The following PPP4R4 variants were observed in gnomAD, a reference collection of about 807,000 sequenced individuals.
PPP4R4 encodes protein phosphatase 4 regulatory subunit 4, also known as serine/threonine-protein phosphatase 4 regulatory subunit 4.
In PPP4R4, 70 loss-of-function variants were observed where a neutral mutation model predicts 121.8. That is an observed-to-expected ratio of 0.57 (90% CI 0.47 to 0.70). The LOEUF (loss-of-function observed/expected upper bound fraction) is 0.70, where lower values mean the gene tolerates loss of function less well. PPP4R4 is among the 30% of genes least tolerant of loss of function. The pLI, the probability that PPP4R4 is intolerant of heterozygous loss-of-function variation, is 0.00. For synonymous variants in PPP4R4, 348 were observed against 355.7 expected, an observed-to-expected ratio of 0.98 and a Z score of 0.24; for missense variants, 875 against 1,033.6, an observed-to-expected ratio of 0.85 and a Z score of 2.10.
intron 10 of PPP4R4, 133 bp downstream of exon 10, chr14:94,242,090 G>A: frequency 8.7e-7 from 1 of 1,148,494 alleles, no homozygotes; most frequent in South Asian, 1.5e-5. Flanking sequence ...AGTATGTGCA[G>A]AGTAAATATT....
At chr14:94,227,908 T>C in intron 3 of PPP4R4, 1 of 973,450 alleles carries the variant, frequency 1.0e-6, no homozygotes, top group African/African-American at 1.8e-5. Flanking sequence ...AACCCCAAAT[T>C]GTTAGTGTGG....
At chr14:94,230,202 ATG>A (rs1360135140) in intron 3 of PPP4R4, among the ~76,000 whole-genome samples, 4 of 152,236 alleles carry the variant, frequency 2.6e-5, no homozygotes, top group Non-Finnish European at 5.9e-5. Flanking sequence ...ATGGAAACAC[ATG>A]TGATTGTCTG....
intron 3 of PPP4R4, among the ~76,000 whole-genome samples, chr14:94,213,658 TG>T (rs1567117854): frequency 6.6e-6 from 1 of 152,112 alleles, no homozygotes; most frequent in Non-Finnish European, 1.5e-5. Flanking sequence ...GAATGCAATG[TG>T]AAGATGGAGG....
rs1430605689 is a variant in PPP4R4 at position 94,267,041 on chromosome 14, T to C, written c.2449+12T>C. The C allele has an allele frequency of 2.4e-5, 37 of 1,548,328 alleles. No individual in the cohort carries two copies. Among genetic ancestry groups the C allele is most frequent in the Non-Finnish European group, 3.1e-5 (35 of 1,132,670 alleles). On this transcript the variant is annotated intron_variant, in intron 23 of 24. Coordinates refer to ENST00000304338, the MANE Select transcript of PPP4R4 (RefSeq NM_058237.2). ...GCTTTCACTAGCTGGTAAGTAGCAA[T>C]CTAAGTTCTTCAAAAAGTTGCTAAA...
At chr14:94,267,629 A>G (rs991616553) in intron 23 of PPP4R4, among the ~76,000 whole-genome samples, 1 of 152,208 alleles carries the variant, frequency 6.6e-6, no homozygotes, top group Non-Finnish European at 1.5e-5. Flanking sequence ...TTTATATAAT[A>G]GAGCATAGAA....
At chr14:94,235,972 C>G (rs1445206638) in intron 7 of PPP4R4, among the ~76,000 whole-genome samples, 1 of 152,046 alleles carries the variant, frequency 6.6e-6, no homozygotes, top group Non-Finnish European at 1.5e-5. Context: ...GTCATTGGTA[C>G]CTTTGTTAAT....
intron 23 of PPP4R4, 94 bp downstream of exon 23, chr14:94,267,123 T>G: frequency 1.3e-6 from 1 of 753,936 alleles, no homozygotes; most frequent in Admixed American, 3.1e-5. Context: ...AGATGTAGTG[T>G]TTTCTTAAAT....
chr14:94,208,184 C>G (rs1344367337), intron 2 of PPP4R4, among the ~76,000 whole-genome samples: 1 of 151,902 alleles, frequency 6.6e-6, no homozygotes, highest in Non-Finnish European at 1.5e-5. Context: ...TAATAATAGT[C>G]TCGAAACTTT....
chr14:94,241,769 T>G lies in PPP4R4; in HGVS notation c.977-19T>G, dbSNP rs751655109. The G allele has an allele frequency of 2.0e-6, 3 of 1,522,884 alleles. No homozygotes were observed. Among genetic ancestry groups the G allele is most frequent in the South Asian group, 1.3e-5 (1 of 78,254 alleles). The allele number at this position is 1,522,884 out of a possible 1,614,324, so 94.3% of individuals were successfully genotyped here. ...GTTTTCAATTGAAATGTTGAGCTAGTTTTTTATATTTGTTTTAGGAATTTT... is the reference window on the plus strand; with the variant it reads ...GTTTTCAATTGAAATGTTGAGCTAGGTTTTTATATTTGTTTTAGGAATTTT... On this transcript the variant is annotated intron_variant, in intron 9 of 24. Coordinates refer to ENST00000304338, the MANE Select transcript of PPP4R4 (RefSeq NM_058237.2).
intron 3 of PPP4R4, among the ~76,000 whole-genome samples, chr14:94,226,312 T>A (rs565651918): frequency 6.6e-6 from 1 of 152,182 alleles, no homozygotes; most frequent in Non-Finnish European, 1.5e-5. Context: ...CTTAAGGATA[T>A]TTTTATGTGT....
chr14:94,264,799 C>T (rs1434472006), intron 19 of PPP4R4, 79 bp from the exon 20 acceptor site: 3 of 1,078,894 alleles, frequency 2.8e-6, no homozygotes, highest in Non-Finnish European at 4.1e-6. Context: ...ACTTGAATCT[C>T]TAATGCTTAA....
chr14:94,195,571 T>C (rs555362356), intron 2 of PPP4R4, among the ~76,000 whole-genome samples: 1 of 152,356 alleles, frequency 6.6e-6, no homozygotes, highest in South Asian at 2.1e-4. Context: ...TGTTGAGATA[T>C]TGACATTCTT....
At chr14:94,219,442 A>G (rs534635406) in intron 3 of PPP4R4, among the ~76,000 whole-genome samples, 8 of 152,316 alleles carry the variant, frequency 5.3e-5, no homozygotes, top group South Asian at 2.1e-4. Context: ...AGCACTGGAA[A>G]TGGTAAAAAT....
intron 3 of PPP4R4, among the ~76,000 whole-genome samples, chr14:94,217,925 C>T (rs529325775): frequency 6.6e-6 from 1 of 152,076 alleles, no homozygotes; most frequent in African/African-American, 2.4e-5. Context: ...ACCCGGGAGG[C>T]GGAGGTTGCG....
chr14:94,256,101 T>C (rs1198075376), intron 16 of PPP4R4, among the ~76,000 whole-genome samples: 3 of 152,202 alleles, frequency 2.0e-5, no homozygotes, highest in Admixed American at 6.5e-5. Context: ...CAACCCTCTT[T>C]GGCCACCTGC....
At chr14:94,178,513 G>A (rs1329431568) in intron 2 of PPP4R4, among the ~76,000 whole-genome samples, 1 of 151,686 alleles carries the variant, frequency 6.6e-6, no homozygotes, top group Non-Finnish European at 1.5e-5. Flanking sequence ...GGTTCTGATA[G>A]CATTTAGATT....
At chr14:94,189,046 A>C (rs898710375) in intron 2 of PPP4R4, among the ~76,000 whole-genome samples, 1 of 152,182 alleles carries the variant, frequency 6.6e-6, no homozygotes, top group African/African-American at 2.4e-5. Context: ...AAGAGAAATC[A>C]GGGAGAAAAT....
Position 94,231,334 on chromosome 14 carries a change from CA to C in PPP4R4, c.516+22del. ...GCATGAGGTAATACTTTCATGGGGG[CA>C]AATACTAATAAGTAAGTCACTCTAA... On this transcript the variant is annotated intron_variant, in intron 5 of 24. Coordinates refer to ENST00000304338, the MANE Select transcript of PPP4R4 (RefSeq NM_058237.2). 1 of 1,567,534 alleles carries C rather than the reference CA, an allele frequency of 6.4e-7. No individual in the cohort carries two copies. The highest frequency in any genetic ancestry group is 2.2e-5 in the East Asian group (1 of 44,550).
At chr14:94,271,831 G>A (rs1311106210) in intron 23 of PPP4R4, among the ~76,000 whole-genome samples, 1 of 152,152 alleles carries the variant, frequency 6.6e-6, no homozygotes, top group Non-Finnish European at 1.5e-5. Flanking sequence ...GTCAATGTAA[G>A]GTTAATGTGC....
Sources: allele counts gnomAD v4.1 joint callset (sites outside exome capture counted in the v4.1 genomes callset), GRCh38; gene constraint gnomAD v4.1.1; transcripts MANE v1.5; gene names NCBI Gene and HGNC (gene_info 2026-07-23, HGNC 2026-07-21).